Variants in DPP6 observed in about 807,000 individuals in gnomAD.
The protein encoded by DPP6 is dipeptidyl peptidase like 6.
In DPP6, 69 loss-of-function variants were observed where a neutral mutation model predicts 122.6. The observed-to-expected ratio is 0.56, with a 90% CI of 0.46 to 0.69. The LOEUF (loss-of-function observed/expected upper bound fraction) is 0.69, where lower values mean the gene tolerates loss of function less well. Ranked by LOEUF, DPP6 falls within the 30% of genes least tolerant of loss-of-function variation. DPP6 has a pLI of 0.00. For missense variants in DPP6, 928 were observed against 1,116.9 expected (o/e 0.83, Z 2.41); for synonymous variants, 418 against 433.1 (o/e 0.97, Z 0.43).
At chr7:154,519,049 T>C (rs550649170) in intron 3 of DPP6, among the ~76,000 whole-genome samples, 1 of 152,328 alleles carries the variant, frequency 6.6e-6, no homozygotes, top group South Asian at 2.1e-4. Context: ...TGTGTGATGA[T>C]ACCTCCACCC....
At position 154,603,336 on chromosome 7, in the gene DPP6, C is replaced by T. The variant is rs897008810; in HGVS notation, c.628-34485C>T. Among the ~76,000 whole-genome samples the T allele has an allele frequency of 1.4e-4, 17 of 118,450 alleles. 2 individuals carry two copies. The highest frequency in any genetic ancestry group is 4.6e-4 in the African/African-American group (17 of 37,298). The allele number at this position is 118,450 out of a possible 152,430, so 77.7% of individuals were successfully genotyped here. A position where few individuals can be genotyped will look rare whatever the true frequency, so the allele number is the denominator to read the frequency against. ...GTCCCATCCTCTCTTGTTTTTCCTT[C>T]GGGGTCTACTCTTACATGGATATTC... On this transcript the variant is annotated intron_variant, in intron 5 of 25. Coordinates refer to ENST00000377770, the MANE Select transcript of DPP6 (RefSeq NM_130797.4).
chr7:154,300,220 G>A (rs564081481), intron 1 of DPP6, among the ~76,000 whole-genome samples: 1 of 152,336 alleles, frequency 6.6e-6, no homozygotes, highest in Non-Finnish European at 1.5e-5. Flanking sequence ...GCTCCAGGGG[G>A]TACCTATGCC....
intron 1 of DPP6, among the ~76,000 whole-genome samples, chr7:154,088,245 C>T (rs142756889): frequency 1.3e-5 from 2 of 151,728 alleles, no homozygotes; most frequent in Non-Finnish European, 2.9e-5. Context: ...CCTAATATCC[C>T]CACTTCTGGC....
Position 154,582,949 on chromosome 7 carries a change from G to A in DPP6, c.627+16033G>A, listed in dbSNP as rs563996391. On this transcript the variant is annotated intron_variant, in intron 5 of 25. Coordinates refer to ENST00000377770, the MANE Select transcript of DPP6 (RefSeq NM_130797.4). ...TTCCCCATGTTATCCATTAGGAGACGGGCTTTGGGAGATTGCAAGGTTTCT... is the reference window on the plus strand; with the variant it reads ...TTCCCCATGTTATCCATTAGGAGACAGGCTTTGGGAGATTGCAAGGTTTCT... Among the ~76,000 whole-genome samples the A allele has an allele frequency of 2.6e-5, 4 of 152,262 alleles. No individual in the cohort carries two copies. In the East Asian group the frequency reaches 5.8e-4, roughly 22 times the overall value.
the DPP6 span, among the ~76,000 whole-genome samples, chr7:153,790,690 A>G: frequency 6.6e-6 from 1 of 152,208 alleles, no homozygotes; most frequent in African/African-American, 2.4e-5. Context: ...AGAGGTATTC[A>G]GAAGAATGTA....
At chr7:153,968,874 C>G (rs890993678) in intron 1 of DPP6, 4 of 152,124 alleles carry the variant, frequency 2.6e-5, no homozygotes, top group Non-Finnish European at 5.9e-5. Flanking sequence ...TCTTTCATGG[C>G]TGGCTTCTTT....
Position 154,284,008 on chromosome 7 carries a change from A to T in DPP6, c.244-162206A>T, listed in dbSNP as rs115576790. 5.5e-3 allele frequency among the ~76,000 whole-genome samples: 844 copies of T among 152,324 alleles called. 7 individuals are homozygous for T. Among genetic ancestry groups the T allele is most frequent in the African/African-American group, 0.019 (780 of 41,570 alleles). On this transcript the variant is annotated intron_variant, in intron 1 of 25. Transcript: ENST00000377770. The stretch of plus-strand genomic sequence containing the variant: ...ACAAGTTGCTTTCAAACATTGCCTC[A>T]TGTTGGCCTCATGACATCCATGTTA...
At chr7:154,196,228 G>T (rs895017382) in intron 1 of DPP6, among the ~76,000 whole-genome samples, 1 of 152,192 alleles carries the variant, frequency 6.6e-6, no homozygotes, top group Non-Finnish European at 1.5e-5. Context: ...GGTGGCTCAT[G>T]CCTGTAATCC....
At position 153,917,381 on chromosome 7, in the gene DPP6, C is replaced by T. The variant is rs529056198; in HGVS notation, c.51+29647C>T. Among the ~76,000 whole-genome samples the T allele has an allele frequency of 2.0e-5, 3 of 152,300 alleles. No homozygotes were observed. In the South Asian group the frequency reaches 6.2e-4, roughly 32 times the overall value. On this transcript the variant is annotated intron_variant, in intron 1 of 25. Coordinates refer to the DPP6 transcript ENST00000404039. ...TAAATTGATCCAGTATGGGACTGTA[C>T]AGATAGCAAGAAATGCAGATGAACT...
chr7:154,182,442 T>C (rs1798139100), intron 1 of DPP6, among the ~76,000 whole-genome samples: 1 of 152,114 alleles, frequency 6.6e-6, no homozygotes, highest in Admixed American at 6.5e-5. Flanking sequence ...AGGTTTTATG[T>C]CGGGGCTGTT....
intron 1 of DPP6, among the ~76,000 whole-genome samples, chr7:154,112,443 G>A (rs557192377): frequency 2.6e-5 from 4 of 152,050 alleles, no homozygotes; most frequent in East Asian, 3.9e-4. Context: ...CCAGAAGTTC[G>A]AGACCAGCCT....
intron 1 of DPP6, among the ~76,000 whole-genome samples, chr7:154,239,992 TAAAAAAAAAAAAA>T (rs763543397): frequency 4.0e-5 from 2 of 50,398 alleles, no homozygotes; most frequent in Admixed American, 3.2e-4. Flanking sequence ...ATGCTGTCTT[TAAAAAAAAAAAAA>T]AAAAAAAAAA....
At chr7:154,798,317 C>T (rs556366884) in intron 12 of DPP6, among the ~76,000 whole-genome samples, 15 of 152,254 alleles carry the variant, frequency 9.9e-5, no homozygotes, top group Middle Eastern at 6.8e-3. Flanking sequence ...CCTGTATTAG[C>T]GATTGTGTGT....
intron 1 of DPP6, among the ~76,000 whole-genome samples, chr7:154,431,758 C>T (rs1586252476): frequency 6.6e-6 from 1 of 152,214 alleles, no homozygotes; most frequent in East Asian, 1.9e-4. Context: ...TGGTCTCAAA[C>T]TCCTGACCTC....
intron 10 of DPP6, among the ~76,000 whole-genome samples, chr7:154,788,403 C>T (rs1797466130): frequency 6.6e-6 from 1 of 150,618 alleles, no homozygotes; most frequent in Admixed American, 6.6e-5. Context: ...GAGATCGTGC[C>T]ACTGCACTCT....
At chr7:154,667,683 C>T (rs1326893197) in intron 6 of DPP6, among the ~76,000 whole-genome samples, 1 of 152,190 alleles carries the variant, frequency 6.6e-6, no homozygotes, top group Non-Finnish European at 1.5e-5. Flanking sequence ...AGGTCTGCCA[C>T]TGCACTCCAG....
chr7:154,165,726 G>A (rs1374207730), intron 1 of DPP6, among the ~76,000 whole-genome samples: 1 of 152,116 alleles, frequency 6.6e-6, no homozygotes, highest in African/African-American at 2.4e-5. Flanking sequence ...GTATCTCATT[G>A]TGGTTTTGAT....
chr7:154,621,626 CA>C (rs1456850390), intron 5 of DPP6, among the ~76,000 whole-genome samples: 1 of 152,198 alleles, frequency 6.6e-6, no homozygotes. Flanking sequence ...CTTGGCCTCC[CA>C]AAGTGCTAAG....
Position 154,102,334 on chromosome 7 carries a change from C to A in DPP6, c.243+49271C>A, listed in dbSNP as rs374757445. Among the ~76,000 whole-genome samples the A allele has an allele frequency of 4.6e-5, 7 of 152,218 alleles. No individual in the cohort carries two copies. In the East Asian group the frequency reaches 1.4e-3, roughly 30 times the overall value. The stretch of plus-strand genomic sequence containing the variant: ...CCTCCTGAGTAGCTGGGATTACAGG[C>A]ACACACCAATACGCCCAGCTAATTT... On this transcript the variant is annotated intron_variant, in intron 1 of 25. Coordinates refer to ENST00000377770, the MANE Select transcript of DPP6 (RefSeq NM_130797.4).
Sources: allele counts gnomAD v4.1 joint callset (sites outside exome capture counted in the v4.1 genomes callset), GRCh38; gene constraint gnomAD v4.1.1; transcripts MANE v1.5; gene names NCBI Gene and HGNC (gene_info 2026-07-23, HGNC 2026-07-21).